Variants in IQCB1 observed in about 807,000 individuals in gnomAD.
IQCB1 encodes IQ motif containing B1, also known as IQ calmodulin-binding motif-containing protein 1.
A neutral mutation model predicts 84.4 loss-of-function variants in IQCB1; 56 were observed. The ratio of observed to expected loss-of-function variants is 0.66; its 90% confidence interval spans 0.54 to 0.83. The LOEUF (loss-of-function observed/expected upper bound fraction) is 0.83. Ranked by LOEUF, IQCB1 falls within the 40% of genes least tolerant of loss-of-function variation. IQCB1 has a pLI of 0.00. For missense variants in IQCB1, 629 were observed against 682.1 expected, an observed-to-expected ratio of 0.92 and a Z score of 0.87; for synonymous variants, 210 against 234.8, an observed-to-expected ratio of 0.89 and a Z score of 0.96.
chr3:121,831,063 C>G (rs1234929208), intron 2 of IQCB1, among the ~76,000 whole-genome samples: 4 of 152,154 alleles, frequency 2.6e-5, no homozygotes, highest in South Asian at 2.1e-4. Context: ...TACTGGATAG[C>G]TGAACATGTG....
intron 6 of IQCB1, 139 bp from the exon 7 acceptor site, chr3:121,807,582 G>C: frequency 1.8e-6 from 1 of 567,612 alleles, no homozygotes. Context: ...CGATAAAGAA[G>C]ACTTTAAGAT....
At chr3:121,789,463 G>A (rs369234334) in intron 11 of IQCB1, among the ~76,000 whole-genome samples, 35 of 152,212 alleles carry the variant, frequency 2.3e-4, no homozygotes, top group African/African-American at 8.4e-4. Flanking sequence ...CTGCAGTTAT[G>A]GATGGATACC....
chr3:121,809,934 A>C (rs1163273236), intron 5 of IQCB1, among the ~76,000 whole-genome samples: 13 of 141,770 alleles, frequency 9.2e-5, no homozygotes, highest in East Asian at 2.0e-4. Flanking sequence ...GCTGACTTGA[A>C]TATAACAATG....
intron 13 of IQCB1, among the ~76,000 whole-genome samples, chr3:121,773,621 G>C (rs547223547): frequency 5.3e-5 from 8 of 152,146 alleles, no homozygotes; most frequent in Non-Finnish European, 8.8e-5. Context: ...TCCTATCCTG[G>C]ATATGACCCT....
intron 13 of IQCB1, among the ~76,000 whole-genome samples, chr3:121,772,916 T>G (rs1453702011): frequency 6.6e-6 from 1 of 152,256 alleles, no homozygotes; most frequent in African/African-American, 2.4e-5. Context: ...AGAAGTTTTT[T>G]GTCTTTCTTT....
At chr3:121,826,743 C>T (rs1381119399) in intron 4 of IQCB1, among the ~76,000 whole-genome samples, 1 of 152,072 alleles carries the variant, frequency 6.6e-6, no homozygotes, top group African/African-American at 2.4e-5. Flanking sequence ...TTACAATATA[C>T]ATTAGAGGAG....
At chr3:121,818,610 T>C (rs989987426) in intron 5 of IQCB1, among the ~76,000 whole-genome samples, 2 of 152,082 alleles carry the variant, frequency 1.3e-5, no homozygotes, top group African/African-American at 4.8e-5. Context: ...TAAACACTTT[T>C]AGGAAAAACA....
At chr3:121,815,098 G>A (rs896389205) in intron 5 of IQCB1, among the ~76,000 whole-genome samples, 7 of 152,174 alleles carry the variant, frequency 4.6e-5, no homozygotes, top group Admixed American at 2.0e-4. Flanking sequence ...TGCAAGGATG[G>A]TTTAACACAT....
chr3:121,823,091 T>C (rs1367876152), intron 5 of IQCB1, among the ~76,000 whole-genome samples: 16 of 152,060 alleles, frequency 1.1e-4, no homozygotes, highest in African/African-American at 3.6e-4. Flanking sequence ...ATACAATATA[T>C]GAAATGAAAA....
At chr3:121,783,425 A>C (rs1948585696) in intron 12 of IQCB1, among the ~76,000 whole-genome samples, 2 of 152,200 alleles carry the variant, frequency 1.3e-5, no homozygotes, top group African/African-American at 4.8e-5. Flanking sequence ...TAGTTAAATT[A>C]ATGTTCAATG....
In IQCB1 at chr3:121,828,841, T is replaced by C. The variant is rs767112464; in HGVS notation, c.100+20A>G. The C allele has an allele frequency of 1.4e-6, 2 of 1,404,408 alleles. No individual in the cohort carries two copies. Among genetic ancestry groups the C allele is most frequent in the Middle Eastern group, 2.4e-4 (1 of 4,190 alleles). The allele number at this position is 1,404,408 out of a possible 1,614,324, so 87.0% of individuals were successfully genotyped here. ...ATTTTTCACTTAAAATGCTATCTAA[T>C]CACAAAAAGATTTTCTTACCTTTTA... is the stretch of plus-strand genomic sequence containing the variant. On this transcript the variant is annotated intron_variant, in intron 3 of 14. Transcript: ENST00000310864.
At chr3:121,793,682 T>C (rs930666777) in intron 10 of IQCB1, among the ~76,000 whole-genome samples, 1 of 152,178 alleles carries the variant, frequency 6.6e-6, no homozygotes, top group Non-Finnish European at 1.5e-5. Flanking sequence ...AAACACAAAA[T>C]GTGAGACTTA....
rs539352440 is a variant in IQCB1 at position 121,788,879 on chromosome 3, A to G, written c.1130-447T>C. 2.0e-5 allele frequency among the ~76,000 whole-genome samples: 3 copies of G among 152,312 alleles called. No individual in the cohort carries two copies. In the East Asian group the frequency reaches 5.8e-4, roughly 29 times the overall value. On this transcript the variant is annotated intron_variant, in intron 11 of 14. Coordinates refer to ENST00000310864, the MANE Select transcript of IQCB1 (RefSeq NM_001023570.4). ...TTGCTTTCTTGGAGTTGCTCAGCAT[A>G]CAGCCCAGGGTTCACAGTATATATG...
chr3:121,799,812 G>T (rs919707327), intron 7 of IQCB1, among the ~76,000 whole-genome samples: 3 of 151,820 alleles, frequency 2.0e-5, no homozygotes, highest in Non-Finnish European at 4.4e-5. Flanking sequence ...TAATATAGGA[G>T]AAACTTAAAA....
At chr3:121,793,041 T>C (rs1418114547) in intron 10 of IQCB1, among the ~76,000 whole-genome samples, 2 of 152,060 alleles carry the variant, frequency 1.3e-5, no homozygotes, top group African/African-American at 4.8e-5. Flanking sequence ...AAAGTGGGAG[T>C]TGACCAAATT....
chr3:121,795,758 G>C (rs1219961687), intron 9 of IQCB1, among the ~76,000 whole-genome samples, 192 bp from the exon 10 acceptor site: 1 of 152,116 alleles, frequency 6.6e-6, no homozygotes, highest in Non-Finnish European at 1.5e-5. Flanking sequence ...ACATACTCAA[G>C]ATATAGTCTA....
chr3:121,826,766 A>AT (rs1488368885), intron 4 of IQCB1, among the ~76,000 whole-genome samples: 2 of 152,194 alleles, frequency 1.3e-5, no homozygotes, highest in African/African-American at 4.8e-5. Context: ...AAAGTCACTT[A>AT]GAGAAAAAGG....
intron 13 of IQCB1, among the ~76,000 whole-genome samples, chr3:121,780,773 T>C (rs141615286): frequency 2.0e-5 from 3 of 152,332 alleles, no homozygotes; most frequent in African/African-American, 7.2e-5. Context: ...GGGTGAATGA[T>C]AGGACTCCCT....
chr3:121,823,601 A>G (rs1325352931), intron 5 of IQCB1, among the ~76,000 whole-genome samples: 1 of 152,206 alleles, frequency 6.6e-6, no homozygotes, highest in Non-Finnish European at 1.5e-5. Flanking sequence ...GTAGAATTAT[A>G]CACATGCAAC....
Sources: allele counts gnomAD v4.1 joint callset (sites outside exome capture counted in the v4.1 genomes callset), GRCh38; gene constraint gnomAD v4.1.1; transcripts MANE v1.5; gene names NCBI Gene and HGNC (gene_info 2026-07-23, HGNC 2026-07-21).